The following ANKRD12 variants were observed in gnomAD, a reference collection of about 807,000 sequenced individuals.
ANKRD12 encodes the protein ankyrin repeat domain 12, also known as ankyrin repeat domain-containing protein 12.
A neutral mutation model predicts 183.4 loss-of-function variants in ANKRD12; 85 were observed. The ratio of observed to expected loss-of-function variants is 0.46; its 90% CI spans 0.39 to 0.56. The LOEUF (loss-of-function observed/expected upper bound fraction) is 0.56. Ranked by LOEUF, ANKRD12 falls within the 20% of genes least tolerant of loss-of-function variation. The pLI is 0.00. For synonymous variants in ANKRD12, 914 were observed against 800.2 expected (o/e 1.14, Z -2.40); for missense variants, 2,405 against 2,357.1 (o/e 1.02, Z -0.42).
chr18:9,263,199 A>G (rs943468718), intron 9 of ANKRD12, among the ~76,000 whole-genome samples: 3 of 152,170 alleles, frequency 2.0e-5, no homozygotes, highest in African/African-American at 7.2e-5. Context: ...TTGTAGTGTA[A>G]TTTGATATTA....
chr18:9,216,398 T>G (rs1304911386), intron 6 of ANKRD12, among the ~76,000 whole-genome samples: 1 of 152,216 alleles, frequency 6.6e-6, no homozygotes, highest in Non-Finnish European at 1.5e-5. Context: ...GTACAGTATA[T>G]AATACATACA....
chr18:9,177,863 G>A (rs1033841511), intron 1 of ANKRD12, among the ~76,000 whole-genome samples: 4 of 152,028 alleles, frequency 2.6e-5, no homozygotes, highest in South Asian at 2.1e-4. Context: ...ATGAGGTTGC[G>A]CATCTTTTCC....
rs1182249064 is a variant in ANKRD12, at chr18:9,275,605, C to T, written c.5845C>T (p.Pro1949Ser). ...AARTLANQTL[P>S]FSACTVLLDA... ...AAGAACATTGGCAAATCAAACACTGCCATTTAGTGCTTGTACTGTTTTGCT... is the reference window on the plus strand; with the variant it reads ...AAGAACATTGGCAAATCAAACACTGTCATTTAGTGCTTGTACTGTTTTGCT... Residue 1949 changes from proline (P) to serine (S), a missense_variant, in exon 11 of 13, where the codon CCA (proline) becomes TCA (serine). Physicochemically the swap from Pro to Ser is moderately conservative, Grantham distance 74. Transcript: ENST00000262126. 1 of 1,609,354 alleles carries T rather than the reference C, an allele frequency of 6.2e-7. No individual in the cohort carries two copies. The highest frequency in any genetic ancestry group is 8.5e-7 in the Non-Finnish European group (1 of 1,176,480).
chr18:9,263,619 A>G (rs2039112628), intron 9 of ANKRD12, among the ~76,000 whole-genome samples, 171 bp from the exon 10 acceptor site: 1 of 152,190 alleles, frequency 6.6e-6, no homozygotes, highest in Non-Finnish European at 1.5e-5. Flanking sequence ...AACTGTGCTC[A>G]ATGTTTCCAA....
chr18:9,258,156 C>T lies in ANKRD12; in HGVS notation c.4889C>T (p.Ser1630Leu). The T allele has an allele frequency of 6.2e-7, 1 of 1,613,798 alleles. No individual in the cohort carries two copies. The highest frequency in any genetic ancestry group is 8.5e-7 in the Non-Finnish European group (1 of 1,179,990). ...AGCACAACTGATACTCAGGTCATTT[C>T]ACATGAAAAAGAAAACAAACTGGAG... ...ENSTTDTQVI[S>L]HEKENKLESL... Residue 1630 changes from serine to leucine, a missense_variant, in exon 9 of 13, where the codon TCA (serine) becomes TTA (leucine). Transcript: ENST00000262126.
chr18:9,258,941 A>T lies in ANKRD12; in HGVS notation c.5664+10A>T, dbSNP rs776341115. 4 of 1,591,196 alleles carry T rather than the reference A, an allele frequency of 2.5e-6. No individual in the cohort carries two copies. In the African/African-American group the frequency reaches 5.4e-5, roughly 21 times the overall value. On this transcript the variant is annotated intron_variant, in intron 9 of 12. Transcript: ENST00000262126. ...GATTTGTATTCCCACAGTAAGTAACATCATCACTTGCTATACACCTGTAAC... is the reference window on the plus strand; with the variant it reads ...GATTTGTATTCCCACAGTAAGTAACTTCATCACTTGCTATACACCTGTAAC...
At chr18:9,270,990 A>G (rs923056901) in intron 10 of ANKRD12, among the ~76,000 whole-genome samples, 6 of 152,138 alleles carry the variant, frequency 3.9e-5, no homozygotes, top group African/African-American at 4.8e-5. Flanking sequence ...TCATACAAGT[A>G]TCTCCGGCCA....
At chr18:9,186,033 G>A (rs548826325) in intron 2 of ANKRD12, among the ~76,000 whole-genome samples, 1 of 152,212 alleles carries the variant, frequency 6.6e-6, no homozygotes, top group Non-Finnish European at 1.5e-5. Context: ...AATTTATGAG[G>A]CTAAACTGAA....
At position 9,182,420 on chromosome 18, in the gene ANKRD12, G is replaced by C; in HGVS notation, c.-13G>C. 1.7e-5 allele frequency: 27 copies of C among 1,590,928 alleles called. No homozygotes were observed. Among genetic ancestry groups the C allele is most frequent in the Non-Finnish European group, 2.3e-5 (27 of 1,164,004 alleles). On this transcript the variant is annotated 5_prime_UTR_variant, in exon 2 of 13. It removes the in-frame stop codon of an upstream open reading frame in the 5' UTR. Transcript: ENST00000262126. ...AGACTGATAAAAGAAGAAGCTAGCT[G>C]AACAGCTGTAAAATGCCCAAATCTG...
intron 2 of ANKRD12, among the ~76,000 whole-genome samples, chr18:9,183,983 G>A (rs1045325660): frequency 1.1e-4 from 17 of 151,884 alleles, no homozygotes; most frequent in African/African-American, 4.1e-4. Flanking sequence ...CTTAGATGTT[G>A]ATCCTGGAGA....
Position 9,255,872 on chromosome 18 carries a change from GA to G in ANKRD12, c.2609del (p.Lys870ArgfsTer53). ...DLSECVDKIKEKDKLYSHHTE... is the reference protein window; with the variant it reads ...DLSECVDKIKXKDKLYSHHTE... ...TAGTGAATGTGTTGATAAAATAAAA[GA>G]AAAGGACAAGCTATATTCGCATCAC... is the stretch of plus-strand genomic sequence containing the variant. On this transcript the variant is annotated frameshift_variant, in exon 9 of 13. Transcript: ENST00000262126. LOFTEE classifies it high-confidence loss of function. The G allele has an allele frequency of 6.3e-7, 1 of 1,591,416 alleles. No homozygotes were observed. Among genetic ancestry groups the G allele is most frequent in the Admixed American group, 1.8e-5 (1 of 54,844 alleles).
intron 6 of ANKRD12, among the ~76,000 whole-genome samples, chr18:9,216,369 C>T (rs1261553609): frequency 1.3e-5 from 2 of 152,202 alleles, no homozygotes; most frequent in East Asian, 3.9e-4. Context: ...AACAATTTTT[C>T]TCTAGCTTTA....
At chr18:9,185,069 A>G (rs542455892) in intron 2 of ANKRD12, among the ~76,000 whole-genome samples, 90 of 152,348 alleles carry the variant, frequency 5.9e-4, no homozygotes, top group African/African-American at 1.7e-3. Flanking sequence ...GTATTTGACC[A>G]GAAGGAAAGT....
At chr18:9,199,668 A>G (rs2035054608) in intron 3 of ANKRD12, among the ~76,000 whole-genome samples, 1 of 152,092 alleles carries the variant, frequency 6.6e-6, no homozygotes, top group Admixed American at 6.5e-5. Context: ...AAATTCCTTT[A>G]TATTTTTGTT....
intron 5 of ANKRD12, among the ~76,000 whole-genome samples, chr18:9,209,056 A>C (rs1475505998): frequency 1.3e-5 from 2 of 152,176 alleles, no homozygotes; most frequent in Non-Finnish European, 2.9e-5. Flanking sequence ...TTAAGATCTA[A>C]ATTTTTTTAT....
At chr18:9,148,823 C>T (rs1568219881) in intron 1 of ANKRD12, among the ~76,000 whole-genome samples, 1 of 152,186 alleles carries the variant, frequency 6.6e-6, no homozygotes, top group Non-Finnish European at 1.5e-5. Context: ...TATGTCACTA[C>T]TTTTTTAGAA....
intron 7 of ANKRD12, among the ~76,000 whole-genome samples, chr18:9,218,741 A>G (rs2036255445): frequency 6.6e-6 from 1 of 150,920 alleles, no homozygotes; most frequent in Admixed American, 6.6e-5. Flanking sequence ...GCAATCACAG[A>G]TTACTGCAGC....
chr18:9,145,624 A>AATC (rs138720271), intron 1 of ANKRD12, among the ~76,000 whole-genome samples: 1,967 of 152,280 alleles, frequency 0.013, 45 homozygotes, highest in African/African-American at 0.046. Context: ...AATGAATGAG[A>AATC]ATCACCTCAG....
chr18:9,263,664 T>C (rs1598743779), intron 9 of ANKRD12, 126 bp from the exon 10 acceptor site: 1 of 539,302 alleles, frequency 1.9e-6, no homozygotes, highest in East Asian at 3.5e-5. Flanking sequence ...ACTAGTGCTG[T>C]ATTATTTAAT....
Sources: allele counts gnomAD v4.1 joint callset (sites outside exome capture counted in the v4.1 genomes callset), GRCh38; gene constraint gnomAD v4.1.1; transcripts MANE v1.5; gene names NCBI Gene and HGNC (gene_info 2026-07-23, HGNC 2026-07-21).